The following SHROOM2 variants were observed in gnomAD, a reference collection of about 807,000 sequenced individuals.
The protein encoded by SHROOM2 is shroom family member 2.
A neutral mutation model predicts 75.9 loss-of-function variants in SHROOM2; 33 were observed. That is an observed-to-expected ratio of 0.43 (90% CI 0.33 to 0.58). The LOEUF (loss-of-function observed/expected upper bound fraction) is 0.58, where lower values mean the gene tolerates loss of function less well. Ranked by LOEUF, SHROOM2 falls within the 20% of genes least tolerant of loss-of-function variation. The probability of loss-of-function intolerance (pLI) is 0.04; values close to 1 mark genes in which losing one functional copy is unlikely to be tolerated. For missense variants in SHROOM2, 1,434 were observed against 1,461.2 expected (o/e 0.98, Z 0.30); for synonymous variants, 655 against 663.6 (o/e 0.99, Z 0.20).
intron 1 of SHROOM2, among the ~76,000 whole-genome samples, chrX:9,846,934 T>C (rs1197252213): frequency 6.2e-5 from 7 of 112,335 alleles, no homozygotes; most frequent in Non-Finnish European, 1.1e-4. Flanking sequence ...CCAGCTCTGA[T>C]GGCTATGAAG....
intron 1 of SHROOM2, among the ~76,000 whole-genome samples, chrX:9,786,935 T>G (rs756538642): frequency 6.7e-4 from 75 of 111,338 alleles, no homozygotes; most frequent in Middle Eastern, 4.9e-3. Flanking sequence ...CCGGAGTCCC[T>G]TTCCCCTCCC....
chrX:9,879,595 A>T (rs181653663), intron 2 of SHROOM2, among the ~76,000 whole-genome samples: 27 of 112,988 alleles, frequency 2.4e-4, no homozygotes, highest in Admixed American at 1.4e-3. Flanking sequence ...ATCAGGAGAA[A>T]AAAGAAAACC....
chrX:9,827,223 CTTT>C (rs397953893), intron 1 of SHROOM2, among the ~76,000 whole-genome samples: 25 of 60,122 alleles, frequency 4.2e-4, no homozygotes, highest in African/African-American at 1.4e-3. Context: ...TTTTCTTTTT[CTTT>C]TTTTTTTTTT....
At chrX:9,802,517 G>A (rs932804375) in intron 1 of SHROOM2, among the ~76,000 whole-genome samples, 14 of 111,078 alleles carry the variant, frequency 1.3e-4, no homozygotes, top group Admixed American at 1.1e-3. Flanking sequence ...TCACCCAGGC[G>A]AAGTGGCCCT....
At chrX:9,841,959 T>A (rs775795858) in intron 1 of SHROOM2, among the ~76,000 whole-genome samples, 9 of 111,694 alleles carry the variant, frequency 8.1e-5, no homozygotes, top group Non-Finnish European at 1.3e-4. Context: ...ACTGGGAGGC[T>A]GAGGTGGGAG....
At chrX:9,818,977 C>T in intron 1 of SHROOM2, 1 of 683,930 alleles carries the variant, frequency 1.5e-6, no homozygotes, top group African/African-American at 2.1e-5. Context: ...GGTGGTGTCT[C>T]ACTGCTGGAT....
chrX:9,876,179 G>A (rs1231733498), intron 2 of SHROOM2, among the ~76,000 whole-genome samples: 1 of 112,271 alleles, frequency 8.9e-6, no homozygotes, highest in Non-Finnish European at 1.9e-5. Context: ...TTTTATTTAA[G>A]TAGTATGTGT....
chrX:9,944,844 G>C lies in SHROOM2; in HGVS notation c.4515G>C (p.Leu1505=), dbSNP rs371560341. 4 of 1,210,426 alleles carry C rather than the reference G, an allele frequency of 3.3e-6. No individual in the cohort carries two copies. Among genetic ancestry groups the C allele is most frequent in the Non-Finnish European group, 4.5e-6 (4 of 895,151 alleles). The stretch of plus-strand genomic sequence containing the variant: ...AAGTGGTGAACCTCCTGCTGTCGCT[G>C]TCAGGCCGCCTGGCCCGGGTGGAGA... ...LDKVVNLLLS[L]SGRLARVENA... is the part of the protein sequence containing the mutation. The change falls in exon 9 of 10, where the codon CTG becomes CTC. Residue 1505 remains leucine, a synonymous_variant. Transcript: ENST00000380913.
intron 1 of SHROOM2, among the ~76,000 whole-genome samples, chrX:9,840,389 C>T: frequency 9.0e-6 from 1 of 111,561 alleles, no homozygotes; most frequent in East Asian, 2.8e-4. Context: ...CACCTCAGCT[C>T]CCCAAGTAGC....
At chrX:9,891,498 G>A (rs2084292006) in intron 3 of SHROOM2, among the ~76,000 whole-genome samples, 1 of 112,490 alleles carries the variant, frequency 8.9e-6, no homozygotes, top group Admixed American at 9.4e-5. Context: ...CTCCCAAGAG[G>A]TTCTTTAAGC....
chrX:9,862,446 G>A (rs1355679474), intron 1 of SHROOM2, among the ~76,000 whole-genome samples: 2 of 110,022 alleles, frequency 1.8e-5, no homozygotes, highest in Non-Finnish European at 3.8e-5. Context: ...AGCCACCCCC[G>A]GCATGCCACT....
At chrX:9,899,261 CA>C (rs139411655) in intron 5 of SHROOM2, among the ~76,000 whole-genome samples, 51,088 of 97,099 alleles carry the variant, frequency 0.53, 11,654 homozygotes, top group Non-Finnish European at 0.68. Flanking sequence ...GACCCTGTCT[CA>C]AAAAAAAAAA....
At chrX:9,793,464 A>G (rs1349087761) in intron 1 of SHROOM2, among the ~76,000 whole-genome samples, 1 of 109,276 alleles carries the variant, frequency 9.2e-6, no homozygotes, top group African/African-American at 3.3e-5. Context: ...TAATTTTTAT[A>G]TTTTTAGTAG....
intron 1 of SHROOM2, among the ~76,000 whole-genome samples, chrX:9,802,814 A>G (rs2083730709): frequency 9.0e-6 from 1 of 111,389 alleles, no homozygotes; most frequent in African/African-American, 3.3e-5. Context: ...TATGAGGACC[A>G]TCTAAGACAA....
intron 1 of SHROOM2, among the ~76,000 whole-genome samples, chrX:9,815,571 CCTATATCTATAT>C (rs776124308): frequency 6.2e-5 from 6 of 96,512 alleles, no homozygotes; most frequent in Non-Finnish European, 4.1e-5. Context: ...ATATCTATAT[CCTATATCTATAT>C]CTATATCTAT....
chrX:9,874,324 C>T (rs2146796860), intron 2 of SHROOM2, among the ~76,000 whole-genome samples: 1 of 112,011 alleles, frequency 8.9e-6, no homozygotes, highest in African/African-American at 3.2e-5. Context: ...AGAAAGTGAA[C>T]TTGGGGACAT....
At chrX:9,936,069 A>T (rs1274239312) in intron 6 of SHROOM2, among the ~76,000 whole-genome samples, 6 of 110,126 alleles carry the variant, frequency 5.4e-5, no homozygotes, top group Non-Finnish European at 1.9e-5. Context: ...GGGATGCTTT[A>T]GGTACCTCTC....
intron 1 of SHROOM2, among the ~76,000 whole-genome samples, chrX:9,860,140 A>T (rs1334989250): frequency 9.0e-6 from 1 of 111,696 alleles, no homozygotes; most frequent in Non-Finnish European, 1.9e-5. Flanking sequence ...GGAGGGTGCT[A>T]CTGGCTTCTA....
intron 1 of SHROOM2, among the ~76,000 whole-genome samples, chrX:9,847,781 C>T (rs966907555): frequency 1.8e-5 from 2 of 109,910 alleles, no homozygotes; most frequent in Non-Finnish European, 3.8e-5. Context: ...GTGGAAACAG[C>T]TCTACACAAC....
Sources: gnomAD v4.1 joint callset for allele counts (sites outside exome capture counted in the v4.1 genomes callset) on GRCh38, gnomAD v4.1.1 for gene constraint, MANE v1.5 for transcripts, NCBI Gene and HGNC (gene_info 2026-07-23, HGNC 2026-07-21) for gene names.